PSMG2: variants seen among roughly 807,000 people sequenced by gnomAD.
PSMG2 encodes CD40 ligand-activated specific transcript 3.
Under a neutral mutation model 31.5 loss-of-function variants are expected in PSMG2, and 21 were observed. The observed-to-expected ratio is 0.67, with a 90% confidence interval of 0.47 to 0.96. The LOEUF (loss-of-function observed/expected upper bound fraction) is 0.96. Among genes scored for constraint, PSMG2 ranks in the 40% least tolerant of loss-of-function variants. The probability of loss-of-function intolerance (pLI) is 0.00; values close to 1 mark genes in which losing one functional copy is unlikely to be tolerated. For synonymous variants in PSMG2, 120 were observed against 110.4 expected (o/e 1.09, Z -0.54); for missense variants, 318 against 321.2 (o/e 0.99, Z 0.08).
At chr18:12,677,168 T>A (rs985648397) in intron 1 of PSMG2, among the ~76,000 whole-genome samples, 1 of 152,110 alleles carries the variant, frequency 6.6e-6, no homozygotes, top group Admixed American at 6.6e-5. Context: ...AGAGGCTTGA[T>A]CTGGCTGGGC....
At chr18:12,695,225 C>CA (rs761635273) in intron 1 of PSMG2, 32 of 1,042,078 alleles carry the variant, frequency 3.1e-5, no homozygotes, top group Non-Finnish European at 4.3e-5. Context: ...AACAAACACA[C>CA]AAAAAAAGAG....
At chr18:12,699,890 C>T, upstream of PSMG2, 2 of 1,594,678 alleles carry the variant, frequency 1.3e-6, no homozygotes, top group South Asian at 1.1e-5. Context: ...GAAGGGAGTT[C>T]TTGCTCAACA....
intron 1 of PSMG2, among the ~76,000 whole-genome samples, chr18:12,665,392 T>C (rs931610684): frequency 8.5e-5 from 13 of 152,120 alleles, no homozygotes; most frequent in African/African-American, 3.1e-4. Context: ...ATGCCTTATA[T>C]GTATACTTGT....
chr18:12,691,469 T>C, intron 1 of PSMG2: 1 of 1,598,468 alleles, frequency 6.3e-7, no homozygotes, highest in Non-Finnish European at 8.5e-7. Flanking sequence ...TCTGCAGTTT[T>C]CTGACGTTCC....
At chr18:12,718,166 GC>G (rs1223415582) in intron 3 of PSMG2, among the ~76,000 whole-genome samples, 3 of 151,868 alleles carry the variant, frequency 2.0e-5, no homozygotes, top group African/African-American at 7.3e-5. Flanking sequence ...CTGCCACCAT[GC>G]CCCGCTGATT....
At chr18:12,707,862 C>T (rs115066964) in intron 2 of PSMG2, among the ~76,000 whole-genome samples, 9 of 152,102 alleles carry the variant, frequency 5.9e-5, no homozygotes, top group African/African-American at 1.9e-4. Context: ...TTTTAGCTTG[C>T]GATAGTGAAA....
At chr18:12,668,597 CAAAAAAAAAAAAAAA>C (rs752216074) in intron 1 of PSMG2, among the ~76,000 whole-genome samples, 23,515 of 73,070 alleles carry the variant, frequency 0.32, 2,769 homozygotes, top group East Asian at 0.49. Flanking sequence ...GATTCCATCT[CAAAAAAAAAAAAAAA>C]AAAAAAAAAA....
chr18:12,662,340 A>G (rs1047427352), intron 1 of PSMG2, among the ~76,000 whole-genome samples: 2 of 152,326 alleles, frequency 1.3e-5, no homozygotes, highest in Admixed American at 6.5e-5. Flanking sequence ...TATTATTCCT[A>G]TCTTACAGAA....
At chr18:12,724,888 C>G (rs2040462454) in intron 6 of PSMG2, 1 of 402,592 alleles carries the variant, frequency 2.5e-6, no homozygotes. Context: ...ATTAATTATG[C>G]CAGACATAGT....
chr18:12,693,835 T>C (rs765489066), intron 1 of PSMG2, among the ~76,000 whole-genome samples: 24 of 152,112 alleles, frequency 1.6e-4, no homozygotes, highest in Non-Finnish European at 2.5e-4. Context: ...TATGTGTGTA[T>C]ACACCATTTA....
chr18:12,711,616 A>G (rs1314218469), intron 2 of PSMG2, among the ~76,000 whole-genome samples: 3 of 152,164 alleles, frequency 2.0e-5, no homozygotes, highest in Non-Finnish European at 4.4e-5. Context: ...GACCTGTAAC[A>G]GTAGAGACCT....
At chr18:12,693,912 A>T (rs1258381792) in intron 1 of PSMG2, among the ~76,000 whole-genome samples, 1 of 152,190 alleles carries the variant, frequency 6.6e-6, no homozygotes, top group Non-Finnish European at 1.5e-5. Flanking sequence ...AGCTCACTGT[A>T]ACCTCAAATT....
At chr18:12,664,668 A>G (rs1277261045) in intron 1 of PSMG2, among the ~76,000 whole-genome samples, 1 of 150,868 alleles carries the variant, frequency 6.6e-6, no homozygotes, top group Non-Finnish European at 1.5e-5. Context: ...TACAGGTTTG[A>G]ACCACTGTGC....
At chr18:12,673,364 C>T (rs1414421229) in intron 1 of PSMG2, 1 of 1,598,136 alleles carries the variant, frequency 6.3e-7, no homozygotes, top group Non-Finnish European at 8.5e-7. Context: ...AAATATTGGC[C>T]CTATAATACC....
At chr18:12,690,905 T>A (rs2145067999) in intron 1 of PSMG2, among the ~76,000 whole-genome samples, 1 of 151,954 alleles carries the variant, frequency 6.6e-6, no homozygotes, top group Admixed American at 6.6e-5. Context: ...CAATTTTTTT[T>A]AAAACCCTAA....
chr18:12,686,642 A>G lies in PSMG2; in HGVS notation c.-36-19908A>G. On this transcript the variant is annotated intron_variant, in intron 1 of 6. Coordinates refer to the PSMG2 transcript ENST00000585331. ...TCCTCATCTCCGTTATTTTCATTTT[A>G]TAGATGAAAACTGAGGAGCTACAGC... 6.8e-6 allele frequency: 3 copies of G among 442,104 alleles called. No individual in the cohort carries two copies. The Middle Eastern group carries it at 1.9e-3, about 284-fold the overall frequency. 27.4% of individuals were successfully genotyped at this position (442,104 alleles called of 1,614,324 possible).
intron 3 of PSMG2, among the ~76,000 whole-genome samples, chr18:12,713,970 C>CCG (rs1275957863): frequency 6.6e-6 from 1 of 151,928 alleles, no homozygotes; most frequent in Non-Finnish European, 1.5e-5. Flanking sequence ...AGGCTGGTCT[C>CCG]CAACTCCTGC....
upstream of PSMG2, among the ~76,000 whole-genome samples, chr18:12,698,104 A>C (rs935454896): frequency 3.3e-5 from 5 of 152,132 alleles, no homozygotes; most frequent in Non-Finnish European, 7.4e-5. Context: ...TAAGAAAAAA[A>C]AGAAAAAATT....
upstream of PSMG2, chr18:12,701,029 C>A: frequency 6.2e-7 from 1 of 1,613,876 alleles, no homozygotes; most frequent in Non-Finnish European, 8.5e-7. Flanking sequence ...ATCAAATCTT[C>A]TGTTGATAAA....
Sources: allele counts gnomAD v4.1 joint callset (sites outside exome capture counted in the v4.1 genomes callset), GRCh38; gene constraint gnomAD v4.1.1; transcripts MANE v1.5; gene names NCBI Gene and HGNC (gene_info 2026-07-23, HGNC 2026-07-21).